The following SLC30A4 variants were observed in gnomAD, a reference collection of about 807,000 sequenced individuals.
The protein encoded by SLC30A4 is solute carrier family 30 member 4, also known as probable proton-coupled zinc antiporter SLC30A4.
Under a neutral mutation model 41.7 loss-of-function variants are expected in SLC30A4, and 20 were observed. That is an observed-to-expected ratio of 0.48 (90% CI 0.34 to 0.70). SLC30A4 has a LOEUF of 0.70. Among genes scored for constraint, SLC30A4 ranks in the 30% least tolerant of loss-of-function variants. The pLI, the probability that SLC30A4 is intolerant of heterozygous loss-of-function variation, is 0.01. For missense variants in SLC30A4, 441 were observed against 529.3 expected, an observed-to-expected ratio of 0.83 and a Z score of 1.64; for synonymous variants, 181 against 195.9, an observed-to-expected ratio of 0.92 and a Z score of 0.64.
chr15:45,510,522 G>C lies in SLC30A4; in HGVS notation c.538+616C>G, dbSNP rs1033345572. 2.0e-5 allele frequency among the ~76,000 whole-genome samples: 3 copies of C among 152,222 alleles called. No homozygotes were observed. The East Asian group carries it at 5.8e-4, about 29-fold the overall frequency. ...TGGGTAAATGTTACTTCATATAATA[G>C]TTCAGGTAATTATTTTATACATATT... On this transcript the variant is annotated intron_variant, in intron 3 of 7. Transcript: ENST00000261867.
At chr15:45,491,885 C>T (rs2140817843) in intron 3 of SLC30A4, among the ~76,000 whole-genome samples, 1 of 151,502 alleles carries the variant, frequency 6.6e-6, no homozygotes, top group South Asian at 2.1e-4. Flanking sequence ...TAAGAAAATT[C>T]ATAATAAACA....
Position 45,485,317 on chromosome 15 carries a change from A to T in SLC30A4, c.1136T>A (p.Ile379Asn), listed in dbSNP as rs1303271208. ...CTCCCATTTAGATGAACTTCCAGGA[A>T]CTGCAATGTCAAGAAAATATCATTA... ...KSTAIVHIQL[I>N]PGSSSKWEEV... The change falls in exon 8 of 8, where the codon ATT (isoleucine) becomes AAT (asparagine). Residue 379 changes from isoleucine to asparagine, a missense_variant and splice_region_variant. Ile to Asn is a moderately radical substitution (Grantham distance 149). Transcript: ENST00000261867. The T allele has an allele frequency of 6.2e-7, 1 of 1,602,542 alleles. No homozygotes were observed. The highest frequency in any genetic ancestry group is 8.5e-7 in the Non-Finnish European group (1 of 1,173,294).
chr15:45,486,264 C>A (rs1481076639), intron 7 of SLC30A4, among the ~76,000 whole-genome samples: 1 of 152,118 alleles, frequency 6.6e-6, no homozygotes, highest in Non-Finnish European at 1.5e-5. Context: ...CTCAGGTGAT[C>A]CACCCGCCTC....
In SLC30A4 at chr15:45,482,274, C is replaced by G. The variant is rs1303397470; in HGVS notation, c.*2889G>C. ...GTCTACCAAAAATACAAAAAATTAGCTGGGTGTGGTGGTGCATGCCTGTGG... is the reference window on the plus strand; with the variant it reads ...GTCTACCAAAAATACAAAAAATTAGGTGGGTGTGGTGGTGCATGCCTGTGG... On this transcript the variant is annotated 3_prime_UTR_variant, in exon 8 of 8. Transcript: ENST00000261867. The G allele has an allele frequency of 1.3e-5, 2 of 151,722 alleles. No individual in the cohort carries two copies. The highest frequency in any genetic ancestry group is 4.9e-5 in the African/African-American group (2 of 41,214). The allele number at this position is 151,722 out of a possible 1,614,324, so 9.4% of individuals were successfully genotyped here.
At chr15:45,488,359 G>C (rs1415028999) in intron 5 of SLC30A4, among the ~76,000 whole-genome samples, 1 of 152,096 alleles carries the variant, frequency 6.6e-6, no homozygotes, top group Non-Finnish European at 1.5e-5. Flanking sequence ...GATCACTTGA[G>C]GCCAGGAATT....
chr15:45,499,691 T>G (rs544190814), intron 3 of SLC30A4, among the ~76,000 whole-genome samples: 1 of 152,268 alleles, frequency 6.6e-6, no homozygotes, highest in East Asian at 1.9e-4. Flanking sequence ...GTGGTTTCAT[T>G]ACATTCAAAA....
rs747231119 is a variant in SLC30A4, at chr15:45,522,370, G to A, written c.-16C>T. 1.9e-6 allele frequency: 3 copies of A among 1,588,044 alleles called. No individual in the cohort carries two copies. Among genetic ancestry groups the A allele is most frequent in the Non-Finnish European group, 2.6e-6 (3 of 1,169,396 alleles). On this transcript the variant is annotated 5_prime_UTR_variant, in exon 2 of 8. Transcript: ENST00000261867. ...AGCCGGCCATGGCAGAGGCTGAGCG[G>A]CCGCGGTGCGGAACGGCTTGGGGGA...
rs1891668686 is a variant in SLC30A4 at position 45,484,926 on chromosome 15, A to C, written c.*237T>G. Reference sequence around the variant, plus strand: ...TCTTCTATGAGGTATCTGTAGAGTCACATCTCATTCTGTAAACAGTGTTTG... The same window carrying C: ...TCTTCTATGAGGTATCTGTAGAGTCCCATCTCATTCTGTAAACAGTGTTTG... On this transcript the variant is annotated 3_prime_UTR_variant, in exon 8 of 8. Coordinates refer to ENST00000261867, the MANE Select transcript of SLC30A4 (RefSeq NM_013309.6). 1 of 484,196 alleles carries C rather than the reference A, an allele frequency of 2.1e-6. No homozygotes were observed. Among genetic ancestry groups the C allele is most frequent in the African/African-American group, 2.0e-5 (1 of 49,938 alleles). 30.0% of individuals were successfully genotyped at this position (484,196 alleles called of 1,614,324 possible). A position where few individuals can be genotyped will look rare whatever the true frequency, so the allele number is the denominator to read the frequency against.
At chr15:45,506,201 G>A (rs571952881) in intron 3 of SLC30A4, among the ~76,000 whole-genome samples, 3 of 152,130 alleles carry the variant, frequency 2.0e-5, no homozygotes, top group Admixed American at 6.6e-5. Context: ...CCTGGACAAC[G>A]GAGTGAGACC....
chr15:45,503,445 C>T (rs373152687), intron 3 of SLC30A4, among the ~76,000 whole-genome samples: 8 of 151,864 alleles, frequency 5.3e-5, no homozygotes, highest in South Asian at 2.1e-4. Context: ...GGTGAAACCC[C>T]GTCTCTACCA....
chr15:45,502,237 G>T (rs978676324), intron 3 of SLC30A4: 5 of 151,854 alleles, frequency 3.3e-5, no homozygotes, highest in African/African-American at 1.2e-4. Context: ...GAGTAGCTGG[G>T]ATTATAAGCA....
chr15:45,518,717 C>A, intron 2 of SLC30A4, among the ~76,000 whole-genome samples: 1 of 151,986 alleles, frequency 6.6e-6, no homozygotes, highest in Non-Finnish European at 1.5e-5. Context: ...CACGCACTAC[C>A]AAGTCAGGCT....
intron 2 of SLC30A4, among the ~76,000 whole-genome samples, chr15:45,517,775 C>A (rs1021110819): frequency 2.0e-5 from 3 of 151,702 alleles, no homozygotes; most frequent in Non-Finnish European, 4.4e-5. Flanking sequence ...GGTGAAACCC[C>A]GTCTCTACTA....
intron 7 of SLC30A4, among the ~76,000 whole-genome samples, chr15:45,486,019 G>A (rs543792834): frequency 6.6e-6 from 1 of 151,436 alleles, no homozygotes; most frequent in Non-Finnish European, 1.5e-5. Context: ...GCGCCAGGCC[G>A]GGAAATATTC....
At chr15:45,491,031 T>G in intron 3 of SLC30A4, 150 bp from the exon 4 acceptor site, 2 of 546,392 alleles carry the variant, frequency 3.7e-6, no homozygotes, top group Non-Finnish European at 6.1e-6. Context: ...TCTTATTTAT[T>G]TTTTTGAGAC....
chr15:45,519,520 C>G (rs1892600914), intron 2 of SLC30A4: 1 of 152,214 alleles, frequency 6.6e-6, no homozygotes, highest in African/African-American at 2.4e-5. Context: ...TTTGGACACA[C>G]TTTAATAAAT....
intron 3 of SLC30A4, among the ~76,000 whole-genome samples, chr15:45,499,600 G>C (rs2140828490): frequency 6.6e-6 from 1 of 152,172 alleles, no homozygotes; most frequent in East Asian, 1.9e-4. Context: ...GGTGGAGCCT[G>C]TTCTCTTTAG....
At chr15:45,511,101 A>G (rs773113417) in intron 3 of SLC30A4, 37 bp downstream of exon 3, 1 of 1,550,020 alleles carries the variant, frequency 6.5e-7, no homozygotes, top group South Asian at 1.1e-5. Flanking sequence ...GTTTTACTAT[A>G]AAATATTATA....
intron 3 of SLC30A4, among the ~76,000 whole-genome samples, chr15:45,494,845 G>A (rs180893095): frequency 1.6e-4 from 25 of 152,116 alleles, no homozygotes; most frequent in Non-Finnish European, 5.9e-5. Flanking sequence ...AGTTTTTAAG[G>A]TGCCCTAATC....
Sources: allele counts gnomAD v4.1 joint callset (sites outside exome capture counted in the v4.1 genomes callset), GRCh38; gene constraint gnomAD v4.1.1; transcripts MANE v1.5; gene names NCBI Gene and HGNC (gene_info 2026-07-23, HGNC 2026-07-21).